Variants in SELENOP observed in about 807,000 individuals in gnomAD.
The protein encoded by SELENOP is selenoprotein P, plasma, 1.
Under a neutral mutation model 41.0 loss-of-function variants are expected in SELENOP, and 36 were observed. The observed-to-expected ratio is 0.88, with a 90% CI of 0.67 to 1.16. The LOEUF is 1.16. Ranked by LOEUF, SELENOP falls within the 50% of genes most tolerant of loss-of-function variation. The pLI is 0.00. For missense variants in SELENOP, 440 were observed against 454.2 expected (o/e 0.97, Z 0.28); for synonymous variants, 144 against 150.8 (o/e 0.95, Z 0.33).
At position 42,803,128 on chromosome 5, in the gene SELENOP, C is replaced by T. The variant is rs115763191; in HGVS notation, c.534+1528G>A. 5.2e-3 allele frequency among the ~76,000 whole-genome samples: 786 copies of T among 151,892 alleles called. 8 individuals are homozygous for T. Among genetic ancestry groups the T allele is most frequent in the African/African-American group, 0.018 (759 of 41,412 alleles). ...TAGGAGACAATGAAATAGAAAAACT[C>T]CAATCGGATTTGGCATATCAGATAC... On this transcript the variant is annotated intron_variant, in intron 4 of 4. Transcript: ENST00000514985.
At chr5:42,807,286 A>G in intron 2 of SELENOP, 178 bp from the exon 3 acceptor site, 1 of 408,340 alleles carries the variant, frequency 2.4e-6, no homozygotes, top group East Asian at 3.5e-5. Context: ...TTTTAGAATT[A>G]CTTAAAACTT....
At chr5:42,805,528 G>A (rs958301927) in intron 3 of SELENOP, 1 of 152,184 alleles carries the variant, frequency 6.6e-6, no homozygotes, top group Non-Finnish European at 1.5e-5. Context: ...ATGGCATAAT[G>A]CATGAATTGA....
Position 42,800,950 on chromosome 5 carries a change from G to A in SELENOP, c.916C>T (p.His306Tyr). Residue 306 changes from histidine to tyrosine, a missense_variant, in exon 5 of 5, where the codon CAT (histidine) becomes TAT (tyrosine). By Grantham distance (83) the His-to-Tyr change is moderately conservative (BLOSUM62 2). Transcript: ENST00000514985. ...APRSUCCHCR[H>Y]LIFEKTGSAI... is the part of the protein sequence containing the mutation. ...GACCCTGTTTTTTCAAATATCAGATGTCGACAATGGCAGCATCAGCTCCTA... is the reference window on the plus strand; with the variant it reads ...GACCCTGTTTTTTCAAATATCAGATATCGACAATGGCAGCATCAGCTCCTA... 3 of 1,614,220 alleles carry A rather than the reference G, an allele frequency of 1.9e-6. No individual in the cohort carries two copies. Among genetic ancestry groups the A allele is most frequent in the South Asian group, 2.2e-5 (2 of 91,090 alleles).
At chr5:42,801,413 T>C in intron 4 of SELENOP, 82 bp from the exon 5 acceptor site, 2 of 1,057,544 alleles carry the variant, frequency 1.9e-6, no homozygotes, top group East Asian at 2.4e-5. Context: ...AGAGCTAACA[T>C]GTGAAATTCC....
rs1760419588 is a variant in SELENOP at position 42,809,726 on chromosome 5, T to C, written c.-13-1360A>G. ...TAGATAGAATTTTTAACCCTGATTG[T>C]CTTTCACATTATTTAACACATCAAA... is the stretch of plus-strand genomic sequence containing the variant. On this transcript the variant is annotated intron_variant, in intron 1 of 4. Transcript: ENST00000514985. 5 of 782,792 alleles carry C rather than the reference T, an allele frequency of 6.4e-6. No individual in the cohort carries two copies. In the South Asian group the frequency reaches 1.8e-4, roughly 27 times the overall value. The allele number at this position is 782,792 out of a possible 1,614,324, so 48.5% of individuals were successfully genotyped here.
In SELENOP at chr5:42,799,897, A is replaced by G; in HGVS notation, c.*823T>C. The G allele has an allele frequency of 8.7e-7, 1 of 1,153,128 alleles. No homozygotes were observed. Among genetic ancestry groups the G allele is most frequent in the Non-Finnish European group, 1.2e-6 (1 of 812,684 alleles). 71.4% of individuals were successfully genotyped at this position (1,153,128 alleles called of 1,614,324 possible). Reference sequence around the variant, plus strand: ...AAACGAAGTCAGCTTTAAGGTTTTTATTGAATTTATTTGGACAAATCCGTA... The same window carrying G: ...AAACGAAGTCAGCTTTAAGGTTTTTGTTGAATTTATTTGGACAAATCCGTA... On this transcript the variant is annotated 3_prime_UTR_variant, in exon 5 of 5. Coordinates refer to ENST00000514985, the MANE Select transcript of SELENOP (RefSeq NM_005410.4).
chr5:42,803,026 T>C (rs1190000532), intron 4 of SELENOP, among the ~76,000 whole-genome samples: 1 of 152,244 alleles, frequency 6.6e-6, no homozygotes, highest in Non-Finnish European at 1.5e-5. Flanking sequence ...GGTTTCTCAC[T>C]GTATCCTACT....
At chr5:42,804,600 A>G (rs769147583) in intron 4 of SELENOP, 56 bp downstream of exon 4, 10 of 989,750 alleles carry the variant, frequency 1.0e-5, no homozygotes, top group Non-Finnish European at 1.5e-5. Context: ...GTGTTTCATG[A>G]TAAACTCTTA....
chr5:42,804,839 G>A, intron 3 of SELENOP, 66 bp from the exon 4 acceptor site: 2 of 1,021,488 alleles, frequency 2.0e-6, no homozygotes, highest in Non-Finnish European at 1.5e-6. Flanking sequence ...CTCAAATACA[G>A]TCTGGGATAG....
chr5:42,801,370 A>G (rs776576159), intron 4 of SELENOP, 39 bp from the exon 5 acceptor site: 1 of 1,452,744 alleles, frequency 6.9e-7, no homozygotes, highest in Non-Finnish European at 9.4e-7. Flanking sequence ...ACAAGCTTAT[A>G]GAGATAGGAA....
chr5:42,804,476 AGT>A (rs1379350657), intron 4 of SELENOP, among the ~76,000 whole-genome samples, 178 bp downstream of exon 4: 3 of 134,870 alleles, frequency 2.2e-5, no homozygotes, highest in Admixed American at 7.2e-5. Flanking sequence ...TAATAGTAAT[AGT>A]AATAAATAAA....
intron 4 of SELENOP, among the ~76,000 whole-genome samples, chr5:42,802,856 A>C (rs533454851): frequency 2.9e-4 from 44 of 152,280 alleles, no homozygotes; most frequent in African/African-American, 9.4e-4. Context: ...TGATTCATCC[A>C]CCTCGGCCTC....
chr5:42,802,061 A>AAATGTGTTAG, intron 4 of SELENOP: 1 of 152,228 alleles, frequency 6.6e-6, no homozygotes, highest in Non-Finnish European at 1.5e-5. Context: ...AACTCTGCTC[A>AAATGTGTTAG]AATGTGTTAG....
chr5:42,800,384 C>T lies in SELENOP; in HGVS notation c.*336G>A, dbSNP rs1392403479. 1.1e-5 allele frequency: 2 copies of T among 182,736 alleles called. No homozygotes were observed. The highest frequency in any genetic ancestry group is 2.9e-4 in the East Asian group (2 of 6,880). The allele number at this position is 182,736 out of a possible 1,614,324, so 11.3% of individuals were successfully genotyped here. ...TGGAAAGCATGTCTTTGTTGTTCTT[C>T]CTCCATTCTAAACTGCTAATTATCC... On this transcript the variant is annotated 3_prime_UTR_variant, in exon 5 of 5. Coordinates refer to ENST00000514985, the MANE Select transcript of SELENOP (RefSeq NM_005410.4).
intron 4 of SELENOP, among the ~76,000 whole-genome samples, chr5:42,803,446 C>G (rs1215010898): frequency 6.6e-6 from 1 of 152,058 alleles, no homozygotes; most frequent in Non-Finnish European, 1.5e-5. Flanking sequence ...CTCAAAAGAT[C>G]ATTATAAAGA....
At chr5:42,809,870 AT>A in intron 1 of SELENOP, 2 of 262,796 alleles carry the variant, frequency 7.6e-6, no homozygotes, top group Non-Finnish European at 1.1e-5. Flanking sequence ...ACTTATTTTA[AT>A]ATTTAAAATA....
At chr5:42,808,783 G>T (rs1760396791) in intron 1 of SELENOP, among the ~76,000 whole-genome samples, 2 of 151,880 alleles carry the variant, frequency 1.3e-5, no homozygotes, top group South Asian at 4.1e-4. Flanking sequence ...AGCCAGGCTT[G>T]GTGGCAGACA....
At chr5:42,805,691 G>A (rs1266757117) in intron 3 of SELENOP, 1 of 152,044 alleles carries the variant, frequency 6.6e-6, no homozygotes, top group Non-Finnish European at 1.5e-5. Flanking sequence ...TAGAAGATAT[G>A]GTTATTCATT....
Position 42,806,876 on chromosome 5 carries a change from GTT to G in SELENOP, c.416+18_416+19del, listed in dbSNP as rs201115627. The G allele has an allele frequency of 2.4e-3, 3,381 of 1,423,242 alleles. 71 individuals carry two copies. In the African/African-American group the frequency reaches 0.043, roughly 18 times the overall value. The allele number at this position is 1,423,242 out of a possible 1,614,324, so 88.2% of individuals were successfully genotyped here. On this transcript the variant is annotated intron_variant, in intron 3 of 4. Coordinates refer to ENST00000514985, the MANE Select transcript of SELENOP (RefSeq NM_005410.4). ...ACAGTTATTTTTAAATTTGGGATGT[GTT>G]TGTGTGTATGTACAAACCTATCATA...
Sources: gnomAD v4.1 joint callset for allele counts (sites outside exome capture counted in the v4.1 genomes callset) on GRCh38, gnomAD v4.1.1 for gene constraint, MANE v1.5 for transcripts, NCBI Gene and HGNC (gene_info 2026-07-23, HGNC 2026-07-21) for gene names.